DYNC1I1: variants seen among roughly 807,000 people sequenced by gnomAD.
The protein encoded by DYNC1I1 is cytoplasmic dynein 1 intermediate chain 1.
In DYNC1I1, 43 loss-of-function variants were observed where a neutral mutation model predicts 86.6. That is an observed-to-expected ratio of 0.50 (90% confidence interval 0.39 to 0.64). The LOEUF (loss-of-function observed/expected upper bound fraction) is 0.64. Ranked by LOEUF, DYNC1I1 falls within the 30% of genes least tolerant of loss-of-function variation. The pLI is 0.00. For missense variants in DYNC1I1, 604 were observed against 788.8 expected (o/e 0.77, Z 2.81); for synonymous variants, 262 against 283.7 (o/e 0.92, Z 0.77).
intron 5 of DYNC1I1, among the ~76,000 whole-genome samples, chr7:95,848,212 T>TC: frequency 6.6e-6 from 1 of 151,534 alleles, no homozygotes; most frequent in East Asian, 1.9e-4. Flanking sequence ...ACAGTTGTTT[T>TC]TTTTTTTTTT....
chr7:96,076,259 C>CA, intron 15 of DYNC1I1, 62 bp downstream of exon 15: 1 of 1,588,848 alleles, frequency 6.3e-7, no homozygotes, highest in Non-Finnish European at 8.6e-7. Context: ...CGGCCACTCG[C>CA]AGTCTCTCCC....
chr7:96,080,792 C>A (rs147475253), intron 16 of DYNC1I1, among the ~76,000 whole-genome samples: 348 of 152,228 alleles, frequency 2.3e-3, no homozygotes, highest in Middle Eastern at 0.017. Flanking sequence ...AGTTTAGAGG[C>A]TGGGTGCGGT....
intron 5 of DYNC1I1, among the ~76,000 whole-genome samples, chr7:95,847,383 A>G (rs2116048140): frequency 6.6e-6 from 1 of 152,216 alleles, no homozygotes; most frequent in African/African-American, 2.4e-5. Flanking sequence ...AAACCTACCC[A>G]ACCATCCGCC....
chr7:95,866,303 A>G (rs1187255398), intron 5 of DYNC1I1, among the ~76,000 whole-genome samples: 1 of 152,166 alleles, frequency 6.6e-6, no homozygotes. Context: ...ATTCTTTCTC[A>G]TGCTTCTAAA....
At chr7:95,799,890 G>A (rs1247128230) in intron 1 of DYNC1I1, among the ~76,000 whole-genome samples, 1 of 151,882 alleles carries the variant, frequency 6.6e-6, no homozygotes, top group Admixed American at 6.6e-5. Flanking sequence ...GAATTAGGGT[G>A]CAATTGGTGA....
intron 10 of DYNC1I1, among the ~76,000 whole-genome samples, chr7:96,000,824 C>A (rs1793992103): frequency 6.6e-6 from 1 of 152,058 alleles, no homozygotes. Context: ...TGGATTCTAG[C>A]AAAGAGATTG....
chr7:95,833,862 G>A (rs1275979042), intron 5 of DYNC1I1, among the ~76,000 whole-genome samples: 9 of 149,884 alleles, frequency 6.0e-5, no homozygotes, highest in African/African-American at 7.5e-5. Context: ...AGCTTAAGGA[G>A]ATTTTGGGCT....
At chr7:96,076,597 T>C (rs1379003932) in intron 15 of DYNC1I1, among the ~76,000 whole-genome samples, 1 of 152,208 alleles carries the variant, frequency 6.6e-6, no homozygotes, top group African/African-American at 2.4e-5. Context: ...AAAGGGCTAT[T>C]TGTCAGTGTT....
chr7:96,013,711 G>T (rs929081395), intron 10 of DYNC1I1, among the ~76,000 whole-genome samples: 1 of 152,128 alleles, frequency 6.6e-6, no homozygotes, highest in Non-Finnish European at 1.5e-5. Context: ...CTCTGGCCTT[G>T]GCCTCCCAAA....
At position 95,813,335 on chromosome 7, in the gene DYNC1I1, A is replaced by C. The variant is rs763104895; in HGVS notation, c.312A>C (p.Thr104=). ...SQDSGDLGPL[T]RTLQWDTDPS... ...ACTCAGGCGATCTGGGGCCATTAAC[A>C]AGGTAAGAATTGTCCCTTTAAAAGG... Residue 104 remains threonine (T), a splice_region_variant and synonymous_variant, in exon 4 of 17, where the codon ACA becomes ACC. Transcript: ENST00000447467. The C allele has an allele frequency of 2.0e-5, 33 of 1,612,128 alleles. No homozygotes were observed. In the East Asian group the frequency reaches 6.7e-4, roughly 33 times the overall value.
At position 95,965,126 on chromosome 7, in the gene DYNC1I1, C is replaced by T. The variant is rs186731608; in HGVS notation, c.491-12386C>T. Among the ~76,000 whole-genome samples the T allele has an allele frequency of 1.9e-3, 291 of 152,252 alleles. 1 individual carries two copies. Among genetic ancestry groups the T allele is most frequent in the Non-Finnish European group, 3.5e-3 (238 of 68,006 alleles). On this transcript the variant is annotated intron_variant, in intron 6 of 16. Coordinates refer to ENST00000447467, the MANE Select transcript of DYNC1I1 (RefSeq NM_001135556.2). The stretch of plus-strand genomic sequence containing the variant: ...ATGGATTGTGAAGCAGCTGACTGGC[C>T]ATGTTGAAACTATAATAGACAACTG...
chr7:96,028,532 C>T (rs954721217), intron 11 of DYNC1I1, among the ~76,000 whole-genome samples: 23 of 152,144 alleles, frequency 1.5e-4, no homozygotes, highest in African/African-American at 5.6e-4. Flanking sequence ...CATGTGCTAG[C>T]ATGTAGGGAG....
chr7:95,978,346 G>C (rs73708440), intron 7 of DYNC1I1, among the ~76,000 whole-genome samples: 20,022 of 152,150 alleles, frequency 0.13, 1,481 homozygotes, highest in Non-Finnish European at 0.17. Flanking sequence ...TAATAGCACT[G>C]TGCCTGTAAG....
intron 6 of DYNC1I1, among the ~76,000 whole-genome samples, chr7:95,966,886 G>A (rs1335536898): frequency 1.3e-5 from 2 of 152,188 alleles, no homozygotes. Context: ...AGGGAGGCAC[G>A]GGGTGAGTGT....
chr7:95,967,145 GA>G (rs1190432405), intron 6 of DYNC1I1, among the ~76,000 whole-genome samples: 1 of 152,092 alleles, frequency 6.6e-6, no homozygotes, highest in Non-Finnish European at 1.5e-5. Flanking sequence ...AATTTGGGAG[GA>G]AAAAACTCAT....
At chr7:95,826,559 A>G (rs566983190) in intron 4 of DYNC1I1, among the ~76,000 whole-genome samples, 1 of 152,314 alleles carries the variant, frequency 6.6e-6, no homozygotes, top group African/African-American at 2.4e-5. Context: ...GCATATCCCT[A>G]TATTCTAGAG....
chr7:95,832,981 C>T (rs1422482434), intron 5 of DYNC1I1, among the ~76,000 whole-genome samples: 2 of 150,786 alleles, frequency 1.3e-5, no homozygotes, highest in Non-Finnish European at 3.0e-5. Flanking sequence ...TAATTAGATC[C>T]CATTTGTCAA....
At chr7:95,806,601 G>A (rs184576282) in intron 2 of DYNC1I1, among the ~76,000 whole-genome samples, 1 of 152,290 alleles carries the variant, frequency 6.6e-6, no homozygotes, top group East Asian at 1.9e-4. Context: ...AACTGACTTG[G>A]TGATTGAAGC....
intron 9 of DYNC1I1, among the ~76,000 whole-genome samples, chr7:95,992,049 G>A (rs2237587): frequency 0.26 from 39,726 of 151,764 alleles, 6,100 homozygotes; most frequent in East Asian, 0.42. Context: ...TAGTAGAGAC[G>A]GGGTTTCACC....
Sources: gnomAD v4.1 joint callset for allele counts (sites outside exome capture counted in the v4.1 genomes callset) on GRCh38, gnomAD v4.1.1 for gene constraint, MANE v1.5 for transcripts, NCBI Gene and HGNC (gene_info 2026-07-23, HGNC 2026-07-21) for gene names.